Variants in RBMS1 observed in about 807,000 individuals in gnomAD.
RBMS1 encodes RNA-binding motif, single-stranded-interacting protein 1.
A neutral mutation model predicts 62.3 loss-of-function variants in RBMS1; 17 were observed. That is an observed-to-expected ratio of 0.27 (90% CI 0.19 to 0.41). The LOEUF (loss-of-function observed/expected upper bound fraction) is 0.41, where lower values mean the gene tolerates loss of function less well. Among genes scored for constraint, RBMS1 ranks in the 10% least tolerant of loss-of-function variants. The pLI is 1.00. For synonymous variants in RBMS1, 172 were observed against 170.0 expected, an observed-to-expected ratio of 1.01 and a Z score of -0.09; for missense variants, 334 against 504.5, an observed-to-expected ratio of 0.66 and a Z score of 3.24.
chr2:160,354,953 A>T (rs1345414061), intron 2 of RBMS1, among the ~76,000 whole-genome samples: 1 of 152,032 alleles, frequency 6.6e-6, no homozygotes, highest in Non-Finnish European at 1.5e-5. Flanking sequence ...TTCTAGATAC[A>T]CCATTTATGG....
intron 1 of RBMS1, among the ~76,000 whole-genome samples, chr2:160,470,128 T>A (rs1001558677): frequency 6.6e-6 from 1 of 152,162 alleles, no homozygotes; most frequent in Non-Finnish European, 1.5e-5. Flanking sequence ...CACATCACAC[T>A]CCCCAATATT....
At chr2:160,418,747 G>A (rs1696301500) in intron 1 of RBMS1, among the ~76,000 whole-genome samples, 1 of 152,094 alleles carries the variant, frequency 6.6e-6, no homozygotes, top group Non-Finnish European at 1.5e-5. Context: ...GAGGCTTGGG[G>A]ATTATCCATT....
At chr2:160,346,956 A>G (rs1294962823) in intron 2 of RBMS1, among the ~76,000 whole-genome samples, 1 of 152,162 alleles carries the variant, frequency 6.6e-6, no homozygotes, top group Admixed American at 6.5e-5. Flanking sequence ...ATGATTATGA[A>G]AGAAACTTCA....
At chr2:160,428,718 G>A (rs1433471392) in intron 1 of RBMS1, among the ~76,000 whole-genome samples, 1 of 152,118 alleles carries the variant, frequency 6.6e-6, no homozygotes. Flanking sequence ...TAAAGAACCA[G>A]AATAAATCTG....
At chr2:160,468,936 T>C (rs538003449) in intron 1 of RBMS1, among the ~76,000 whole-genome samples, 9 of 152,178 alleles carry the variant, frequency 5.9e-5, no homozygotes, top group Non-Finnish European at 1.3e-4. Flanking sequence ...TTATTATATA[T>C]ACATATGCCA....
At chr2:160,448,717 C>G (rs905094908) in intron 1 of RBMS1, among the ~76,000 whole-genome samples, 1 of 152,224 alleles carries the variant, frequency 6.6e-6, no homozygotes, top group African/African-American at 2.4e-5. Context: ...GGCCGCCAAC[C>G]CGTCTGGGAA....
intron 1 of RBMS1, among the ~76,000 whole-genome samples, chr2:160,385,675 G>T (rs879396776): frequency 2.0e-5 from 3 of 152,222 alleles, no homozygotes; most frequent in Admixed American, 6.5e-5. Context: ...AGAGCATCAG[G>T]AAGGGAATGT....
At chr2:160,412,919 C>A (rs1696087820) in intron 1 of RBMS1, among the ~76,000 whole-genome samples, 1 of 152,168 alleles carries the variant, frequency 6.6e-6, no homozygotes, top group African/African-American at 2.4e-5. Context: ...GGACCCAACA[C>A]CCTAATACAC....
rs537422532 is a variant in RBMS1 at position 160,372,223 on chromosome 2, G to A, written c.76-4832C>T. ...CTTAGCCACTTCTCTAATAATTCTA[G>A]TACGTTTTGAAGGGAAAGGAAAGCT... is the stretch of plus-strand genomic sequence containing the variant. On this transcript the variant is annotated intron_variant, in intron 1 of 13. Coordinates refer to ENST00000348849, the MANE Select transcript of RBMS1 (RefSeq NM_016836.4). Among the ~76,000 whole-genome samples, 6 of 146,976 alleles carry A rather than the reference G, an allele frequency of 4.1e-5. No homozygotes were observed. In the East Asian group the frequency reaches 1.0e-3, roughly 25 times the overall value.
At chr2:160,456,567 A>G (rs1559574716) in intron 1 of RBMS1, among the ~76,000 whole-genome samples, 2 of 152,352 alleles carry the variant, frequency 1.3e-5, no homozygotes, top group South Asian at 4.1e-4. Flanking sequence ...AGTTCCCTTA[A>G]TAATTCACAG....
chr2:160,452,568 T>C (rs1398862740), intron 1 of RBMS1, among the ~76,000 whole-genome samples: 2 of 152,228 alleles, frequency 1.3e-5, no homozygotes, highest in African/African-American at 2.4e-5. Context: ...CAATCTGTGG[T>C]TGTTCAATCC....
intron 4 of RBMS1, among the ~76,000 whole-genome samples, chr2:160,311,240 A>ATCTATATATC (rs1553505463): frequency 3.3e-5 from 3 of 91,502 alleles, no homozygotes; most frequent in African/African-American, 6.9e-5. Flanking sequence ...ATCTATATAT[A>ATCTATATATC]TATATATATA....
intron 1 of RBMS1, among the ~76,000 whole-genome samples, chr2:160,440,492 T>G (rs1270290131): frequency 6.6e-6 from 1 of 152,190 alleles, no homozygotes; most frequent in African/African-American, 2.4e-5. Context: ...GATCTCCATG[T>G]ACCACCTTCT....
At chr2:160,379,221 T>TA (rs74962367) in intron 1 of RBMS1, among the ~76,000 whole-genome samples, 127 of 143,050 alleles carry the variant, frequency 8.9e-4, no homozygotes, top group South Asian at 2.2e-3. Flanking sequence ...GAACCTGTCT[T>TA]AAAAAAAAAA....
intron 2 of RBMS1, among the ~76,000 whole-genome samples, chr2:160,352,513 C>A (rs905051433): frequency 6.6e-6 from 1 of 152,096 alleles, no homozygotes; most frequent in Non-Finnish European, 1.5e-5. Flanking sequence ...AAATATATAG[C>A]ACAACAAATG....
chr2:160,301,770 T>C (rs974407559), intron 5 of RBMS1, among the ~76,000 whole-genome samples: 4 of 152,236 alleles, frequency 2.6e-5, no homozygotes, highest in Admixed American at 2.6e-4. Flanking sequence ...CCCTGCTTCA[T>C]TATTTGGCAG....
intron 1 of RBMS1, among the ~76,000 whole-genome samples, chr2:160,443,307 C>T (rs72976740): frequency 0.074 from 11,216 of 151,816 alleles, 576 homozygotes; most frequent in South Asian, 0.18. Flanking sequence ...CTGAAGACAG[C>T]CTCATAGTAT....
At chr2:160,455,167 T>C (rs1684165490) in intron 1 of RBMS1, among the ~76,000 whole-genome samples, 1 of 152,230 alleles carries the variant, frequency 6.6e-6, no homozygotes, top group African/African-American at 2.4e-5. Flanking sequence ...CGGTATCTGA[T>C]GTCAATTGAA....
At chr2:160,306,942 G>A (rs1478647085) in intron 4 of RBMS1, among the ~76,000 whole-genome samples, 1 of 152,002 alleles carries the variant, frequency 6.6e-6, no homozygotes, top group African/African-American at 2.4e-5. Context: ...TTCAATTATA[G>A]GTGACCAAAC....
Sources: allele counts gnomAD v4.1 joint callset (sites outside exome capture counted in the v4.1 genomes callset), GRCh38; gene constraint gnomAD v4.1.1; transcripts MANE v1.5; gene names NCBI Gene and HGNC (gene_info 2026-07-23, HGNC 2026-07-21).